Variants in FBXL17 observed in about 807,000 individuals in gnomAD.
FBXL17 encodes F-box/LRR-repeat protein 17.
Under a neutral mutation model 66.2 loss-of-function variants are expected in FBXL17, and 22 were observed. The observed-to-expected ratio is 0.33, with a 90% CI of 0.24 to 0.47. The LOEUF is 0.47. FBXL17 is among the 20% of genes least tolerant of loss of function. The pLI is 1.00. For synonymous variants in FBXL17, 474 were observed against 400.5 expected, an observed-to-expected ratio of 1.18 and a Z score of -2.19; for missense variants, 878 against 948.2, an observed-to-expected ratio of 0.93 and a Z score of 0.97.
At chr5:107,986,441 T>C (rs903103791) in intron 7 of FBXL17, among the ~76,000 whole-genome samples, 2 of 151,616 alleles carry the variant, frequency 1.3e-5, no homozygotes, top group African/African-American at 4.8e-5. Flanking sequence ...AACACAAACC[T>C]AACAGCAATT....
chr5:108,298,748 ATGTT>A (rs1561514487), intron 4 of FBXL17: 3 of 755,110 alleles, frequency 4.0e-6, no homozygotes, highest in Non-Finnish European at 3.2e-6. Flanking sequence ...TTTTAAATCC[ATGTT>A]TGTTTATTCA....
intron 6 of FBXL17, among the ~76,000 whole-genome samples, chr5:108,094,169 AG>A (rs1175864203): frequency 3.3e-5 from 5 of 152,138 alleles, no homozygotes; most frequent in Admixed American, 3.3e-4. Flanking sequence ...AGCTCATAGT[AG>A]TGTGTGCTCT....
intron 6 of FBXL17, among the ~76,000 whole-genome samples, chr5:108,166,834 A>G (rs968575269): frequency 2.6e-5 from 4 of 152,196 alleles, no homozygotes; most frequent in Admixed American, 6.5e-5. Flanking sequence ...TGAGCTAGAA[A>G]TTAGAAATTA....
intron 7 of FBXL17, among the ~76,000 whole-genome samples, chr5:107,961,312 C>A (rs1429061277): frequency 6.6e-6 from 1 of 151,686 alleles, no homozygotes; most frequent in Non-Finnish European, 1.5e-5. Context: ...GCAGCCTTGA[C>A]CTCCCAGGCT....
At chr5:108,182,694 A>G (rs1287930518) in intron 6 of FBXL17, among the ~76,000 whole-genome samples, 1 of 152,236 alleles carries the variant, frequency 6.6e-6, no homozygotes, top group African/African-American at 2.4e-5. Context: ...TTAGTTAAGT[A>G]GGAAAAAAAT....
At chr5:108,183,486 T>C (rs1344713383) in intron 6 of FBXL17, among the ~76,000 whole-genome samples, 1 of 152,264 alleles carries the variant, frequency 6.6e-6, no homozygotes, top group Non-Finnish European at 1.5e-5. Context: ...AAATTTTCTA[T>C]ATAGGATGTT....
At position 108,380,758 on chromosome 5, in the gene FBXL17, T is replaced by G. The variant is rs1051716872; in HGVS notation, c.934A>C (p.Arg312=). Residue 312 remains arginine (R), a synonymous_variant, in exon 1 of 9, where the codon AGG becomes CGG. Coordinates refer to ENST00000542267, the MANE Select transcript of FBXL17 (RefSeq NM_001163315.3). ...TCTGGGGTTTCGGGGGGCGGCTCCC[T>G]GTGACAGTCGCAGGGGTTTTCGGGG... ...ESPENPCDCH[R]EPPPETPDIN... The G allele has an allele frequency of 2.4e-6, 3 of 1,249,036 alleles. No individual in the cohort carries two copies. In the African/African-American group the frequency reaches 4.7e-5, roughly 19 times the overall value. The allele number at this position is 1,249,036 out of a possible 1,614,324, so 77.4% of individuals were successfully genotyped here. A position where few individuals can be genotyped will look rare whatever the true frequency, so the allele number is the denominator to read the frequency against.
intron 7 of FBXL17, among the ~76,000 whole-genome samples, chr5:107,953,808 C>T (rs569345590): frequency 6.6e-6 from 1 of 152,300 alleles, no homozygotes; most frequent in South Asian, 2.1e-4. Flanking sequence ...TTATATCCAT[C>T]TTTCAAGAAC....
At chr5:108,315,054 T>C (rs145614113) in intron 4 of FBXL17, among the ~76,000 whole-genome samples, 72 of 151,210 alleles carry the variant, frequency 4.8e-4, no homozygotes, top group African/African-American at 1.7e-3. Context: ...TCAAGAATGA[T>C]AGATTAATCA....
At chr5:108,155,057 A>G (rs1561437556) in intron 6 of FBXL17, among the ~76,000 whole-genome samples, 1 of 152,198 alleles carries the variant, frequency 6.6e-6, no homozygotes, top group Non-Finnish European at 1.5e-5. Context: ...AAGCTGATCA[A>G]ATCTTTTGTA....
chr5:108,132,749 G>GT (rs1561426179), intron 6 of FBXL17, among the ~76,000 whole-genome samples: 2 of 151,972 alleles, frequency 1.3e-5, no homozygotes, highest in Non-Finnish European at 2.9e-5. Context: ...TAATAATGAT[G>GT]GTCTTACCAT....
chr5:108,115,289 T>A (rs532483468), intron 6 of FBXL17, among the ~76,000 whole-genome samples: 24 of 152,256 alleles, frequency 1.6e-4, no homozygotes, highest in Middle Eastern at 3.4e-3. Flanking sequence ...ACTGTTTTTT[T>A]AAGCCTAAGT....
chr5:108,187,012 T>C (rs1753265615), intron 5 of FBXL17, among the ~76,000 whole-genome samples: 1 of 152,156 alleles, frequency 6.6e-6, no homozygotes, highest in Admixed American at 6.5e-5. Context: ...CAGAGATAGC[T>C]TGGTGATATA....
intron 4 of FBXL17, among the ~76,000 whole-genome samples, chr5:108,322,803 C>G (rs777089944): frequency 1.3e-5 from 2 of 151,892 alleles, no homozygotes; most frequent in Admixed American, 6.6e-5. Flanking sequence ...ACATCAAGGT[C>G]TGTACAGTCA....
intron 4 of FBXL17, among the ~76,000 whole-genome samples, chr5:108,281,444 A>C (rs548351376): frequency 6.6e-6 from 1 of 152,150 alleles, no homozygotes; most frequent in East Asian, 1.9e-4. Flanking sequence ...ACACTGGGTC[A>C]ATGAAGAAAT....
At chr5:108,233,883 G>C (rs1397368867) in intron 4 of FBXL17, among the ~76,000 whole-genome samples, 1 of 152,212 alleles carries the variant, frequency 6.6e-6, no homozygotes, top group African/African-American at 2.4e-5. Context: ...CAAAAGGGAA[G>C]AGGAGGAGAA....
intron 4 of FBXL17, chr5:108,299,595 A>G: frequency 1.0e-6 from 1 of 974,330 alleles, no homozygotes; most frequent in Non-Finnish European, 1.2e-6. Context: ...TTACTTTCCA[A>G]TAAATTGCTA....
chr5:107,973,561 TG>T (rs1752463736), intron 7 of FBXL17, among the ~76,000 whole-genome samples: 1 of 152,096 alleles, frequency 6.6e-6, no homozygotes, highest in Non-Finnish European at 1.5e-5. Context: ...ATAGTTTTTC[TG>T]TCTCTCTCAG....
chr5:108,278,868 T>C (rs1757590874), intron 4 of FBXL17, among the ~76,000 whole-genome samples: 1 of 152,142 alleles, frequency 6.6e-6, no homozygotes, highest in Non-Finnish European at 1.5e-5. Flanking sequence ...GCTTGACCAG[T>C]CCAGATGTGC....
Sources: gnomAD v4.1 joint callset for allele counts (sites outside exome capture counted in the v4.1 genomes callset) on GRCh38, gnomAD v4.1.1 for gene constraint, MANE v1.5 for transcripts, NCBI Gene and HGNC (gene_info 2026-07-23, HGNC 2026-07-21) for gene names.